RYR3: variants seen among roughly 807,000 people sequenced by gnomAD.
RYR3 encodes ryanodine receptor 3, also known as brain ryanodine receptor-calcium release channel.
RYR3 carries 207 observed loss-of-function variants against 584.3 expected under a neutral mutation model. The ratio of observed to expected loss-of-function variants is 0.35; its 90% confidence interval spans 0.32 to 0.40. The LOEUF is 0.40. Ranked by LOEUF, RYR3 falls within the 10% of genes least tolerant of loss-of-function variation. The pLI is 1.00. For synonymous variants in RYR3, 2,416 were observed against 2,248.5 expected, an observed-to-expected ratio of 1.07 and a Z score of -2.11; for missense variants, 5,616 against 6,089.2, an observed-to-expected ratio of 0.92 and a Z score of 2.59.
intron 65 of RYR3, 92 bp downstream of exon 65, chr15:33,780,433 T>A (rs1204410596): frequency 2.2e-6 from 3 of 1,363,558 alleles, no homozygotes; most frequent in African/African-American, 2.9e-5. Flanking sequence ...TGCAGCACTG[T>A]GGCTTTCTTG....
rs2058745345 is a variant in RYR3, at chr15:33,584,509, CTA to C, written c.1669+22_1669+23del. The C allele has an allele frequency of 8.7e-7, 1 of 1,154,806 alleles. No individual in the cohort carries two copies. The highest frequency in any genetic ancestry group is 1.3e-6 in the Non-Finnish European group (1 of 792,738). 71.5% of individuals were successfully genotyped at this position (1,154,806 alleles called of 1,614,324 possible). ...TCCTCAGGTGAGAATTGACAGGAAACTATAACTAGAAAAGATGAAGGGTTTTT... is the reference window on the plus strand; with the variant it reads ...TCCTCAGGTGAGAATTGACAGGAAACTAACTAGAAAAGATGAAGGGTTTTT... On this transcript the variant is annotated intron_variant, in intron 15 of 103. Transcript: ENST00000634891.
intron 1 of RYR3, among the ~76,000 whole-genome samples, chr15:33,408,563 A>C (rs375227975): frequency 1.3e-4 from 20 of 152,198 alleles, no homozygotes; most frequent in East Asian, 7.7e-4. Context: ...AAGTTCTTTG[A>C]GAAATCTTTA....
intron 45 of RYR3, among the ~76,000 whole-genome samples, chr15:33,724,522 A>G (rs1277938593): frequency 6.6e-6 from 1 of 152,188 alleles, no homozygotes; most frequent in African/African-American, 2.4e-5. Flanking sequence ...TGCTCCATGT[A>G]GAAGATCCCT....
intron 31 of RYR3, among the ~76,000 whole-genome samples, chr15:33,650,775 T>C (rs533264166): frequency 8.9e-4 from 135 of 152,212 alleles, no homozygotes; most frequent in Non-Finnish European, 1.7e-3. Context: ...CTATGTGTGG[T>C]TGAAAAAAAT....
intron 12 of RYR3, among the ~76,000 whole-genome samples, chr15:33,572,200 TAAAAG>T (rs1299494804): frequency 2.0e-5 from 3 of 152,206 alleles, no homozygotes; most frequent in Non-Finnish European, 4.4e-5. Flanking sequence ...TACAGGAACA[TAAAAG>T]AAAGATACAT....
At chr15:33,815,188 C>G (rs1426123241) in intron 74 of RYR3, among the ~76,000 whole-genome samples, 1 of 152,024 alleles carries the variant, frequency 6.6e-6, no homozygotes, top group South Asian at 2.1e-4. Context: ...AAGTAGAATT[C>G]ATGAATGAAA....
intron 54 of RYR3, 34 bp downstream of exon 54, chr15:33,748,294 C>T (rs200677591): frequency 1.7e-5 from 28 of 1,607,400 alleles, no homozygotes; most frequent in South Asian, 6.6e-5. Context: ...CACGCTGGGC[C>T]GATGGAAGCC....
At chr15:33,583,188 C>T (rs1248285919) in intron 14 of RYR3, among the ~76,000 whole-genome samples, 3 of 152,124 alleles carry the variant, frequency 2.0e-5, no homozygotes, top group Admixed American at 6.5e-5. Flanking sequence ...GAGTTTTTAA[C>T]AAATTCTTAG....
chr15:33,542,139 A>G (rs1032939217), intron 7 of RYR3, among the ~76,000 whole-genome samples: 37 of 152,152 alleles, frequency 2.4e-4, no homozygotes, highest in African/African-American at 8.9e-4. Flanking sequence ...CTGTAGAAAA[A>G]TGTCCTTCCA....
intron 8 of RYR3, among the ~76,000 whole-genome samples, chr15:33,544,809 T>C (rs990398105): frequency 6.6e-6 from 1 of 152,160 alleles, no homozygotes; most frequent in Non-Finnish European, 1.5e-5. Flanking sequence ...AGCACAGACC[T>C]ATGTAAAGTG....
At chr15:33,417,102 A>G (rs1567195769) in intron 1 of RYR3, among the ~76,000 whole-genome samples, 2 of 152,108 alleles carry the variant, frequency 1.3e-5, no homozygotes, top group East Asian at 3.9e-4. Flanking sequence ...GCCTTGTAGT[A>G]TAGTTTGAAG....
At chr15:33,696,074 C>CA in intron 38 of RYR3, 144 bp from the exon 39 acceptor site, 2 of 678,964 alleles carry the variant, frequency 2.9e-6, no homozygotes, top group Non-Finnish European at 4.8e-6. Context: ...GGATTATAGG[C>CA]ATGAGCCACT....
intron 49 of RYR3, among the ~76,000 whole-genome samples, chr15:33,736,621 T>A (rs11857650): frequency 0.41 from 62,073 of 152,056 alleles, 13,086 homozygotes; most frequent in Admixed American, 0.49. Flanking sequence ...GGTTTTCAGA[T>A]TGTGTTCATC....
chr15:33,437,197 G>A (rs745541833), intron 1 of RYR3, among the ~76,000 whole-genome samples: 44 of 151,880 alleles, frequency 2.9e-4, no homozygotes, highest in Non-Finnish European at 5.3e-4. Flanking sequence ...AAAAATAGTG[G>A]CCTATTAAGC....
chr15:33,349,508 C>A lies in RYR3; in HGVS notation c.51+38412C>A, dbSNP rs954084793. ...AATGGTATCTCATTGTTTTAATTTGCAATTCCCTAATGACGAATGACGCCA... is the reference window on the plus strand; with the variant it reads ...AATGGTATCTCATTGTTTTAATTTGAAATTCCCTAATGACGAATGACGCCA... On this transcript the variant is annotated intron_variant, in intron 1 of 103. Coordinates refer to ENST00000634891, the MANE Select transcript of RYR3 (RefSeq NM_001036.6). Among the ~76,000 whole-genome samples, 11 of 151,932 alleles carry A rather than the reference C, an allele frequency of 7.2e-5. 1 individual carries two copies. The highest frequency in any genetic ancestry group is 2.7e-4 in the African/African-American group (11 of 41,354).
chr15:33,548,546 C>A (rs919966466), intron 9 of RYR3, among the ~76,000 whole-genome samples: 3 of 152,226 alleles, frequency 2.0e-5, no homozygotes, highest in African/African-American at 7.2e-5. Context: ...CGTCTCCTCT[C>A]AGTAGCTTTG....
chr15:33,755,104 G>A lies in RYR3; in HGVS notation c.8439G>A (p.Glu2813=), dbSNP rs920966350. 1.9e-6 allele frequency: 3 copies of A among 1,613,302 alleles called. No individual in the cohort carries two copies. The highest frequency in any genetic ancestry group is 2.5e-6 in the Non-Finnish European group (3 of 1,179,636). Reference sequence around the variant, plus strand: ...TGGAGCTGGATGCCTCCTCCATGGAGAAGAGGTTTGCCTATAAGTTCTTGA... The same window carrying A: ...TGGAGCTGGATGCCTCCTCCATGGAAAAGAGGTTTGCCTATAAGTTCTTGA... The part of the protein sequence containing the change: ...KDMELDASSM[E]KRFAYKFLKK... The change falls in exon 58 of 104, where the codon GAG becomes GAA. Residue 2813 remains glutamate (E), a synonymous_variant. Transcript: ENST00000634891.
At chr15:33,756,402 CT>C in intron 59 of RYR3, 29 bp downstream of exon 59, 1 of 1,495,912 alleles carries the variant, frequency 6.7e-7, no homozygotes, top group Non-Finnish European at 9.1e-7. Flanking sequence ...AATCAAATTA[CT>C]TTCTTCTTAG....
At chr15:33,648,930 C>T in intron 30 of RYR3, 142 bp from the exon 31 acceptor site, 1 of 629,838 alleles carries the variant, frequency 1.6e-6, no homozygotes, top group Non-Finnish European at 2.6e-6. Flanking sequence ...TAGCATCTAG[C>T]CTACCTCTAC....
Sources: gnomAD v4.1 joint callset for allele counts (sites outside exome capture counted in the v4.1 genomes callset) on GRCh38, gnomAD v4.1.1 for gene constraint, MANE v1.5 for transcripts, NCBI Gene and HGNC (gene_info 2026-07-23, HGNC 2026-07-21) for gene names.